SLC25A13: variants seen among roughly 807,000 people sequenced by gnomAD.
The protein encoded by SLC25A13 is solute carrier family 25 member 13.
Under a neutral mutation model 85.5 loss-of-function variants are expected in SLC25A13, and 70 were observed. The ratio of observed to expected loss-of-function variants is 0.82; its 90% CI spans 0.68 to 1.00. The LOEUF is 1.00. Among genes scored for constraint, SLC25A13 ranks in the 50% least tolerant of loss-of-function variants. The probability of loss-of-function intolerance (pLI) is 0.00; values close to 1 mark genes in which losing one functional copy is unlikely to be tolerated. For synonymous variants in SLC25A13, 259 were observed against 288.7 expected, an observed-to-expected ratio of 0.90 and a Z score of 1.04; for missense variants, 765 against 819.8, an observed-to-expected ratio of 0.93 and a Z score of 0.82.
rs549670954 is a variant in SLC25A13, at chr7:96,191,039, T to C, written c.754+70A>G. On this transcript the variant is annotated intron_variant, in intron 7 of 17. Coordinates refer to ENST00000265631, the MANE Select transcript of SLC25A13 (RefSeq NM_014251.3). ...GATAGAAAAATAATAAAGTACTAGTTGCCTTCTTCACCCTAATAATAATAC... is the reference window on the plus strand; with the variant it reads ...GATAGAAAAATAATAAAGTACTAGTCGCCTTCTTCACCCTAATAATAATAC... The C allele has an allele frequency of 1.9e-6, 3 of 1,553,790 alleles. No individual in the cohort carries two copies. In the South Asian group the frequency reaches 3.3e-5, roughly 17 times the overall value.
intron 16 of SLC25A13, 21 bp downstream of exon 16, chr7:96,121,818 A>G: frequency 6.2e-7 from 1 of 1,614,204 alleles, no homozygotes; most frequent in East Asian, 2.2e-5. Flanking sequence ...AGAGTTAGTT[A>G]AGAACACATT....
chr7:96,203,941 A>C (rs1795361154), intron 5 of SLC25A13, among the ~76,000 whole-genome samples: 1 of 152,164 alleles, frequency 6.6e-6, no homozygotes, highest in Admixed American at 6.5e-5. Flanking sequence ...ATAGCCTTAG[A>C]TCTGGAGAAA....
chr7:96,235,446 A>C (rs1796710770), intron 3 of SLC25A13, among the ~76,000 whole-genome samples: 2 of 152,228 alleles, frequency 1.3e-5, no homozygotes, highest in South Asian at 4.1e-4. Flanking sequence ...CTTCTAGTCT[A>C]GTGAGGCAGA....
intron 13 of SLC25A13, among the ~76,000 whole-genome samples, chr7:96,168,098 G>GGAAAAAAAAAAAAAAAA (rs1793836839): frequency 1.5e-4 from 3 of 19,696 alleles, no homozygotes; most frequent in Non-Finnish European, 2.5e-4. Context: ...AACTCTGTCT[G>GGAAAAAAAAAAAAAAAA]AAAAAAAAAA....
In SLC25A13 at chr7:96,162,192, T is replaced by G. The variant is rs180859212; in HGVS notation, c.1311+7853A>C. Among the ~76,000 whole-genome samples the G allele has an allele frequency of 1.4e-4, 22 of 152,338 alleles. No homozygotes were observed. The East Asian group carries it at 3.9e-3, about 27-fold the overall frequency. ...ATCGCGAAGTAAGACTTAAATCCAC[T>G]TCAGGCAATCTGTCTCATCAGCTCT... On this transcript the variant is annotated intron_variant, in intron 13 of 17. Transcript: ENST00000265631.
Position 96,160,190 on chromosome 7 carries a change from G to A in SLC25A13, c.1311+9855C>T, listed in dbSNP as rs565470341. On this transcript the variant is annotated intron_variant, in intron 13 of 17. Transcript: ENST00000265631. ...GTAACAAACTCCTCCCTATTTACTA[G>A]AAATCCAGAAAGATGGCCCAATATT... is the stretch of plus-strand genomic sequence containing the variant. Among the ~76,000 whole-genome samples the A allele has an allele frequency of 5.3e-5, 8 of 152,242 alleles. No individual in the cohort carries two copies. In the South Asian group the frequency reaches 1.7e-3, roughly 32 times the overall value.
At chr7:96,157,855 T>A (rs1225942961) in intron 13 of SLC25A13, among the ~76,000 whole-genome samples, 2 of 152,100 alleles carry the variant, frequency 1.3e-5, no homozygotes, top group South Asian at 2.1e-4. Flanking sequence ...ATCAAATATT[T>A]TAGAAAGGCA....
chr7:96,129,058 G>C lies in SLC25A13; in HGVS notation c.1591+2685C>G, dbSNP rs552225681. 2.7e-5 allele frequency among the ~76,000 whole-genome samples: 4 copies of C among 149,174 alleles called. No homozygotes were observed. In the South Asian group the frequency reaches 8.7e-4, roughly 32 times the overall value. ...ACCAATGGAGAGGCCCACATGACAA[G>C]GAACTGAGGCCTCCTGTCAACAGCT... On this transcript the variant is annotated intron_variant, in intron 15 of 17. Coordinates refer to ENST00000265631, the MANE Select transcript of SLC25A13 (RefSeq NM_014251.3).
At chr7:96,140,330 T>G (rs920848949) in intron 14 of SLC25A13, among the ~76,000 whole-genome samples, 4 of 152,002 alleles carry the variant, frequency 2.6e-5, no homozygotes, top group African/African-American at 9.7e-5. Flanking sequence ...TTTTAACTTT[T>G]TGAGAAAACT....
intron 3 of SLC25A13, among the ~76,000 whole-genome samples, chr7:96,267,727 T>G (rs940360467): frequency 6.6e-6 from 1 of 151,750 alleles, no homozygotes; most frequent in Admixed American, 6.6e-5. Flanking sequence ...AGCAGGAGAA[T>G]TGCTTGAGCC....
intron 4 of SLC25A13, among the ~76,000 whole-genome samples, chr7:96,233,316 C>G (rs978938942): frequency 3.9e-5 from 6 of 152,176 alleles, no homozygotes; most frequent in African/African-American, 1.2e-4. Context: ...CATGAGCTAG[C>G]TGCTTACTCA....
intron 2 of SLC25A13, among the ~76,000 whole-genome samples, chr7:96,294,507 G>A (rs1358704519): frequency 1.3e-5 from 2 of 151,768 alleles, no homozygotes; most frequent in Non-Finnish European, 2.9e-5. Context: ...TACTCGGGAG[G>A]CTGAGGCATG....
chr7:96,136,384 C>T (rs781530424), intron 14 of SLC25A13, among the ~76,000 whole-genome samples: 1 of 152,212 alleles, frequency 6.6e-6, no homozygotes, highest in Non-Finnish European at 1.5e-5. Context: ...AAGCTTTAAT[C>T]AATTCTCAAG....
intron 1 of SLC25A13, among the ~76,000 whole-genome samples, chr7:96,311,420 AG>A (rs1446461758): frequency 6.6e-6 from 1 of 152,242 alleles, no homozygotes; most frequent in Non-Finnish European, 1.5e-5. Context: ...TGTCACTTGC[AG>A]GAAATACTGA....
chr7:96,190,785 G>C (rs750412924), intron 7 of SLC25A13, among the ~76,000 whole-genome samples: 1 of 151,962 alleles, frequency 6.6e-6, no homozygotes, highest in East Asian at 1.9e-4. Flanking sequence ...ACTAATGTTT[G>C]TATTTTTAGT....
At chr7:96,314,010 T>C (rs1315419027) in intron 1 of SLC25A13, among the ~76,000 whole-genome samples, 1 of 152,092 alleles carries the variant, frequency 6.6e-6, no homozygotes, top group East Asian at 1.9e-4. Flanking sequence ...AAGTGTACTA[T>C]CATTCTATAT....
At chr7:96,176,558 G>A (rs1389364342) in intron 11 of SLC25A13, among the ~76,000 whole-genome samples, 1 of 152,106 alleles carries the variant, frequency 6.6e-6, no homozygotes, top group Non-Finnish European at 1.5e-5. Flanking sequence ...CACATTTCAT[G>A]GGTTGGAGAT....
At chr7:96,184,603 G>GAAA in intron 10 of SLC25A13, 168 bp from the exon 11 acceptor site, 1 of 701,088 alleles carries the variant, frequency 1.4e-6, no homozygotes, top group Non-Finnish European at 2.4e-6. Flanking sequence ...ACAATTGAGG[G>GAAA]TTTTCATTCA....
intron 17 of SLC25A13, 62 bp from the exon 18 acceptor site, chr7:96,121,439 T>C: frequency 1.3e-6 from 2 of 1,572,298 alleles, no homozygotes; most frequent in Non-Finnish European, 1.7e-6. Flanking sequence ...TTGATAAAAA[T>C]AACATTCAAA....
Sources: gnomAD v4.1 joint callset for allele counts (sites outside exome capture counted in the v4.1 genomes callset) on GRCh38, gnomAD v4.1.1 for gene constraint, MANE v1.5 for transcripts, NCBI Gene and HGNC (gene_info 2026-07-23, HGNC 2026-07-21) for gene names.